ECE1: variants seen among roughly 807,000 people sequenced by gnomAD.
ECE1 encodes the protein endothelin-converting enzyme 1.
ECE1 carries 35 observed loss-of-function variants against 98.6 expected under a neutral mutation model. That is an observed-to-expected ratio of 0.35 (90% CI 0.27 to 0.47). ECE1 has a LOEUF of 0.47. Ranked by LOEUF, ECE1 falls within the 20% of genes least tolerant of loss-of-function variation. The pLI is 1.00. For missense variants in ECE1, 814 were observed against 1,025.3 expected (o/e 0.79, Z 2.81); for synonymous variants, 394 against 407.1 (o/e 0.97, Z 0.39).
intron 14 of ECE1, 40 bp from the exon 15 acceptor site, chr1:21,228,081 G>A (rs1307827336): frequency 7.3e-6 from 11 of 1,508,242 alleles, no homozygotes; most frequent in African/African-American, 5.5e-5. Flanking sequence ...AGCACAGGGC[G>A]GGAGGCAGGT....
Position 21,225,939 on chromosome 1 carries a change from C to T in ECE1, c.1850-499G>A, listed in dbSNP as rs2098173668. ...TGAACTCCTGACCTCAAGTGATCTGCCCACCTCAGCCTCCCAAAGTGCTGG... is the reference window on the plus strand; with the variant it reads ...TGAACTCCTGACCTCAAGTGATCTGTCCACCTCAGCCTCCCAAAGTGCTGG... On this transcript the variant is annotated intron_variant, in intron 16 of 18. Transcript: ENST00000374893. The surrounding 1 kb of genome is among the most constrained non-coding windows in gnomAD (Gnocchi z 5.3). Among the ~76,000 whole-genome samples, 2 of 151,982 alleles carry T rather than the reference C, an allele frequency of 1.3e-5. No individual in the cohort carries two copies. The highest frequency in any genetic ancestry group is 2.4e-5 in the African/African-American group (1 of 41,394).
intron 3 of ECE1, among the ~76,000 whole-genome samples, chr1:21,277,306 T>C (rs755761740): frequency 2.0e-5 from 3 of 152,236 alleles, no homozygotes; most frequent in Non-Finnish European, 4.4e-5. Flanking sequence ...TTGGGTCTGA[T>C]CATCAGGAGC....
intron 1 of ECE1, among the ~76,000 whole-genome samples, chr1:21,310,776 G>A (rs2103390028): frequency 6.6e-6 from 1 of 152,242 alleles, no homozygotes; most frequent in South Asian, 2.1e-4. Context: ...CCTCTGCTCT[G>A]TCCCTGATCA....
At position 21,217,730 on chromosome 1, in the gene ECE1, C is replaced by A. The variant is rs3026915; in HGVS notation, c.*2225G>T. On this transcript the variant is annotated 3_prime_UTR_variant, in exon 19 of 19. Coordinates refer to ENST00000374893, the MANE Select transcript of ECE1 (RefSeq NM_001397.3). The stretch of plus-strand genomic sequence containing the variant: ...CCGCCTCTATGTGGCAAGGGGACTG[C>A]GGCTGGCTTCTGCTTCAGCTACTTC... The A allele has an allele frequency of 0.1, 15,306 of 152,466 alleles. 991 individuals are homozygous for A. Among genetic ancestry groups the A allele is most frequent in the East Asian group, 0.25 (1,291 of 5,166 alleles). The allele number at this position is 152,466 out of a possible 1,614,324, so 9.4% of individuals were successfully genotyped here.
At chr1:21,325,575 CA>C (rs1319092898) in intron 1 of ECE1, among the ~76,000 whole-genome samples, 1 of 152,250 alleles carries the variant, frequency 6.6e-6, no homozygotes, top group African/African-American at 2.4e-5. Flanking sequence ...CAGAAGCCTG[CA>C]AAAACAGAGT....
chr1:21,233,535 C>A lies in ECE1; in HGVS notation c.1670+23G>T. The stretch of plus-strand genomic sequence containing the variant: ...CACAGGTGGGGAGCTGGCACCTTGC[C>A]GGCAGGGCCTGGGGGAACTCACTGA... On this transcript the variant is annotated intron_variant, in intron 14 of 18. Transcript: ENST00000374893. This position sits in a 1 kb window ranked among gnomAD's most constrained non-coding sequence, Gnocchi z 4.0. 1.2e-6 allele frequency: 2 copies of A among 1,610,084 alleles called. No homozygotes were observed. Among genetic ancestry groups the A allele is most frequent in the Non-Finnish European group, 1.7e-6 (2 of 1,177,602 alleles).
intron 13 of ECE1, among the ~76,000 whole-genome samples, chr1:21,234,504 G>T (rs2098185700): frequency 6.6e-6 from 1 of 151,254 alleles, no homozygotes; most frequent in Admixed American, 6.6e-5. Flanking sequence ...TTTGAGACAG[G>T]GTCTTGCTCT....
intron 1 of ECE1, among the ~76,000 whole-genome samples, chr1:21,329,401 T>G (rs1176742914): frequency 6.6e-6 from 1 of 152,198 alleles, no homozygotes; most frequent in Non-Finnish European, 1.5e-5. Context: ...GTGGCCTTCA[T>G]AACCTGGTAT....
intron 4 of ECE1, among the ~76,000 whole-genome samples, chr1:21,271,411 C>A (rs2098240088): frequency 6.6e-6 from 1 of 152,232 alleles, no homozygotes; most frequent in Non-Finnish European, 1.5e-5. Context: ...TTAAGAAGAT[C>A]TGTCCCCTTT....
intron 4 of ECE1, among the ~76,000 whole-genome samples, chr1:21,270,387 C>A (rs2098238903): frequency 1.3e-5 from 2 of 152,358 alleles, no homozygotes; most frequent in South Asian, 4.1e-4. Flanking sequence ...CAGGTTCTTG[C>A]AGGCACTGCG....
intron 1 of ECE1, among the ~76,000 whole-genome samples, chr1:21,325,761 G>C (rs1392648198): frequency 1.3e-5 from 2 of 152,218 alleles, no homozygotes; most frequent in African/African-American, 4.8e-5. Context: ...TCAATAAATT[G>C]TGGTTCCCAC....
At chr1:21,282,193 G>A (rs1209885452) in intron 2 of ECE1, among the ~76,000 whole-genome samples, 1 of 152,178 alleles carries the variant, frequency 6.6e-6, no homozygotes, top group Non-Finnish European at 1.5e-5. Context: ...GGGAGGCTGA[G>A]GTGGGAGGAT....
intron 1 of ECE1, among the ~76,000 whole-genome samples, chr1:21,333,630 C>T (rs558417199): frequency 2.2e-4 from 33 of 152,166 alleles, no homozygotes; most frequent in African/African-American, 7.5e-4. Context: ...GTCAGGAGTT[C>T]GAGACCAGCC....
intron 18 of ECE1, among the ~76,000 whole-genome samples, chr1:21,221,098 C>A (rs568045248): frequency 6.6e-6 from 1 of 152,354 alleles, no homozygotes; most frequent in East Asian, 1.9e-4. Flanking sequence ...CTGGGCAGAA[C>A]AAATTGTCTA....
chr1:21,219,909 C>A lies in ECE1; in HGVS notation c.*46G>T. The A allele has an allele frequency of 6.2e-7, 1 of 1,610,848 alleles. No individual in the cohort carries two copies. Among genetic ancestry groups the A allele is most frequent in the South Asian group, 1.1e-5 (1 of 90,594 alleles). On this transcript the variant is annotated 3_prime_UTR_variant, in exon 19 of 19. Coordinates refer to ENST00000374893, the MANE Select transcript of ECE1 (RefSeq NM_001397.3). The surrounding 1 kb of genome is among the most constrained non-coding windows in gnomAD (Gnocchi z 4.5). Reference sequence around the variant, plus strand: ...CCTGGAGGCTGGATGGGGGTCTCGTCCTCAGCCCCTTCCCCTCCTCCGTCT... The same window carrying A: ...CCTGGAGGCTGGATGGGGGTCTCGTACTCAGCCCCTTCCCCTCCTCCGTCT...
chr1:21,256,209 G>C lies in ECE1; in HGVS notation c.829-71C>G, dbSNP rs1262872520. 3 of 1,515,362 alleles carry C rather than the reference G, an allele frequency of 2.0e-6. No homozygotes were observed. The East Asian group carries it at 6.9e-5, about 35-fold the overall frequency. The allele number at this position is 1,515,362 out of a possible 1,614,324, so 93.9% of individuals were successfully genotyped here. A position where few individuals can be genotyped will look rare whatever the true frequency, so the allele number is the denominator to read the frequency against. Reference sequence around the variant, plus strand: ...TCCACTGGACGAGAGTTGGTGGGGGGCTTGGCCAGCCAAGTCCGGCACAGG... The same window carrying C: ...TCCACTGGACGAGAGTTGGTGGGGGCCTTGGCCAGCCAAGTCCGGCACAGG... On this transcript the variant is annotated intron_variant, in intron 7 of 18. Coordinates refer to ENST00000374893, the MANE Select transcript of ECE1 (RefSeq NM_001397.3).
chr1:21,257,550 TA>T lies in ECE1; in HGVS notation c.802del (p.Tyr268ThrfsTer2). ...SGLGLPSRDYYLNKTENEKVL... is the reference protein window; with the variant it reads ...SGLGLPSRDYXLNKTENEKVL... Reference sequence around the variant, plus strand: ...CTTCTCGTTTTCAGTTTTGTTCAGGTAATAGTCTCTCGAGGGCAAGCCCAGG... The same window carrying T: ...CTTCTCGTTTTCAGTTTTGTTCAGGTATAGTCTCTCGAGGGCAAGCCCAGG... On this transcript the variant is annotated frameshift_variant, in exon 7 of 19. Transcript: ENST00000374893. LOFTEE classifies it high-confidence loss of function. 2.5e-6 allele frequency: 4 copies of T among 1,614,176 alleles called. No homozygotes were observed. The highest frequency in any genetic ancestry group is 3.4e-6 in the Non-Finnish European group (4 of 1,180,012).
rs2098187355 is a variant in ECE1, at chr1:21,235,893, T to C, written c.1523A>G (p.Asn508Ser). 1.9e-6 allele frequency: 3 copies of C among 1,614,176 alleles called. No individual in the cohort carries two copies. The highest frequency in any genetic ancestry group is 1.3e-5 in the African/African-American group (1 of 75,026). ...CAGCTCCTTGGGATCCATGATGAAGTTGGGGTATCCTATCATGTTGTAGAT... is the reference window on the plus strand; with the variant it reads ...CAGCTCCTTGGGATCCATGATGAAGCTGGGGTATCCTATCATGTTGTAGAT... ...DAIYNMIGYP[N>S]FIMDPKELDK... is the part of the protein sequence containing the mutation. The change falls in exon 13 of 19, where the codon AAC becomes AGC. Residue 508 changes from asparagine to serine, a missense_variant. Transcript: ENST00000374893. The surrounding 1 kb of genome is among the most constrained non-coding windows in gnomAD (Gnocchi z 4.2).
At chr1:21,308,062 C>T (rs1376547681) in intron 1 of ECE1, among the ~76,000 whole-genome samples, 1 of 152,322 alleles carries the variant, frequency 6.6e-6, no homozygotes, top group South Asian at 2.1e-4. Context: ...TGCTCCCACC[C>T]ACATGGAAAG....
Sources: gnomAD v4.1 joint callset for allele counts (sites outside exome capture counted in the v4.1 genomes callset) on GRCh38, gnomAD v4.1.1 for gene constraint, Gnocchi (gnomAD v3.1) non-coding constraint, MANE v1.5 for transcripts, NCBI Gene and HGNC (gene_info 2026-07-23, HGNC 2026-07-21) for gene names.